Variants in COBLL1 observed in about 807,000 individuals in gnomAD.
COBLL1 encodes the protein cordon-bleu WH2 repeat protein like 1.
In COBLL1, 50 loss-of-function variants were observed where a neutral mutation model predicts 94.8. That is an observed-to-expected ratio of 0.53 (90% CI 0.42 to 0.67). The LOEUF (loss-of-function observed/expected upper bound fraction) is 0.67, where lower values mean the gene tolerates loss of function less well. Ranked by LOEUF, COBLL1 falls within the 30% of genes least tolerant of loss-of-function variation. The probability of loss-of-function intolerance (pLI) is 0.00; values close to 1 mark genes in which losing one functional copy is unlikely to be tolerated. For synonymous variants in COBLL1, 448 were observed against 473.8 expected (o/e 0.95, Z 0.71); for missense variants, 1,362 against 1,348.7 (o/e 1.01, Z -0.15).
intron 2 of COBLL1, among the ~76,000 whole-genome samples, chr2:164,833,537 G>C (rs1324517708): frequency 6.8e-6 from 1 of 147,902 alleles, no homozygotes; most frequent in East Asian, 2.0e-4. Flanking sequence ...TGCAAGCTCC[G>C]CCTCCCGGGT....
chr2:164,805,354 T>TGTATAA (rs1684085876), intron 2 of COBLL1, among the ~76,000 whole-genome samples: 3 of 100,964 alleles, frequency 3.0e-5, no homozygotes, highest in African/African-American at 7.3e-5. Context: ...TATATATATA[T>TGTATAA]ATATATATAA....
chr2:164,773,734 A>G, intron 2 of COBLL1: 1 of 1,296,954 alleles, frequency 7.7e-7, no homozygotes, highest in Non-Finnish European at 1.0e-6. Context: ...TCCATAAAAC[A>G]GTATTGTTCC....
At chr2:164,692,848 G>A (rs1683689312) in intron 12 of COBLL1, 1 of 152,992 alleles carries the variant, frequency 6.5e-6, no homozygotes, top group Non-Finnish European at 1.5e-5. Context: ...CATATTTGTT[G>A]AATCTAATAT....
In COBLL1 at chr2:164,694,779, C is replaced by T. The variant is rs1474492831; in HGVS notation, c.2613G>A (p.Met871Ile). 1 of 1,613,118 alleles carries T rather than the reference C, an allele frequency of 6.2e-7. No individual in the cohort carries two copies. The highest frequency in any genetic ancestry group is 2.2e-5 in the East Asian group (1 of 44,880). Residue 871 changes from methionine to isoleucine, a missense_variant, in exon 12 of 14, where the codon ATG (methionine) becomes ATA (isoleucine). Transcript: ENST00000652658. ...CATAGTGACCCGATACTCTCTTCTG[C>T]ATCTGCAAAAAAAAAGAGCTGGGTT... is the stretch of plus-strand genomic sequence containing the variant. ...QAKPSSFFLQ[M>I]QKRVSGHYVT...
intron 2 of COBLL1, among the ~76,000 whole-genome samples, chr2:164,791,513 T>C (rs1683188719): frequency 6.6e-6 from 1 of 152,122 alleles, no homozygotes; most frequent in African/African-American, 2.4e-5. Flanking sequence ...TACATACCTA[T>C]ATACACATAC....
chr2:164,735,166 C>T (rs758459297), intron 3 of COBLL1, among the ~76,000 whole-genome samples: 3 of 152,110 alleles, frequency 2.0e-5, no homozygotes, highest in Non-Finnish European at 2.9e-5. Flanking sequence ...CTGGCTAGGT[C>T]GCTGTTGTCG....
In COBLL1 at chr2:164,728,491, C is replaced by T. The variant is rs1685827104; in HGVS notation, c.433-294G>A. On this transcript the variant is annotated intron_variant, in intron 4 of 13. Transcript: ENST00000652658. ...ATATCTAGTACTACTCATGTTTTCA[C>T]TTTGTTCCTTAAAATATTTACTTTA... 2.0e-5 allele frequency among the ~76,000 whole-genome samples: 3 copies of T among 151,990 alleles called. No individual in the cohort carries two copies. In the South Asian group the frequency reaches 6.2e-4, roughly 31 times the overall value.
At chr2:164,799,076 A>G (rs1318335298) in intron 2 of COBLL1, among the ~76,000 whole-genome samples, 1 of 151,504 alleles carries the variant, frequency 6.6e-6, no homozygotes, top group Non-Finnish European at 1.5e-5. Context: ...CTACCTTAAC[A>G]GAATGCAGCT....
chr2:164,758,776 A>G (rs1687537710), intron 2 of COBLL1, among the ~76,000 whole-genome samples: 1 of 152,138 alleles, frequency 6.6e-6, no homozygotes, highest in African/African-American at 2.4e-5. Flanking sequence ...TTACAAATAT[A>G]TATTTCTACT....
rs556425836 is a variant in COBLL1 at position 164,689,302 on chromosome 2, G to T, written c.3300+2919C>A. Among the ~76,000 whole-genome samples, 3 of 152,218 alleles carry T rather than the reference G, an allele frequency of 2.0e-5. No homozygotes were observed. In the South Asian group the frequency reaches 6.2e-4, roughly 32 times the overall value. On this transcript the variant is annotated intron_variant, in intron 13 of 13. Coordinates refer to ENST00000652658, the MANE Select transcript of COBLL1 (RefSeq NM_001365672.2). The stretch of plus-strand genomic sequence containing the variant: ...GAGCCATAAGACAAGTGGGTACCTG[G>T]AGTTAAATTGAACATTTGGGTGCCA...
chr2:164,753,103 T>C (rs1173193702), intron 2 of COBLL1, among the ~76,000 whole-genome samples: 1 of 152,124 alleles, frequency 6.6e-6, no homozygotes, highest in African/African-American at 2.4e-5. Context: ...ACACTTCTGC[T>C]CCTGGTCAGG....
intron 2 of COBLL1, among the ~76,000 whole-genome samples, chr2:164,754,871 A>G (rs900235682): frequency 6.6e-6 from 1 of 152,194 alleles, no homozygotes; most frequent in African/African-American, 2.4e-5. Flanking sequence ...GAGCAAATCC[A>G]AAGACAAGAC....
rs1312482379 is a variant in COBLL1 at position 164,694,463 on chromosome 2, G to A, written c.2929C>T (p.Pro977Ser). The change falls in exon 12 of 14, where the codon CCA becomes TCA. Residue 977 changes from proline (P) to serine (S), a missense_variant. Transcript: ENST00000652658. ...GGACCAGAACTTGAGTATGGTCGTG[G>A]GGCACCAAAAGTTTTCAAAGTCTTC... Reference protein sequence around the residue: ...NLKTLKTFGAPRPYSSSGPSP... With the variant: ...NLKTLKTFGASRPYSSSGPSP... 6.2e-7 allele frequency: 1 copy of A among 1,613,766 alleles called. No homozygotes were observed. The highest frequency in any genetic ancestry group is 1.1e-5 in the South Asian group (1 of 91,068).
chr2:164,691,089 C>T (rs1275947299), intron 13 of COBLL1, among the ~76,000 whole-genome samples: 1 of 152,090 alleles, frequency 6.6e-6, no homozygotes, highest in Non-Finnish European at 1.5e-5. Flanking sequence ...CTGTTTCCTC[C>T]ACTCCTGACA....
rs556373857 is a variant in COBLL1 at position 164,810,611 on chromosome 2, G to T, written c.41+30545C>A. On this transcript the variant is annotated intron_variant, in intron 2 of 13. Transcript: ENST00000652658. ...TGAAGTTAATTGTTATACATGTCAT[G>T]AACATATTTTAGTAATTTATAATTC... Among the ~76,000 whole-genome samples, 3 of 151,602 alleles carry T rather than the reference G, an allele frequency of 2.0e-5. No homozygotes were observed. The East Asian group carries it at 5.8e-4, about 29-fold the overall frequency.
intron 2 of COBLL1, among the ~76,000 whole-genome samples, chr2:164,749,571 T>A (rs1028532896): frequency 3.3e-5 from 5 of 152,340 alleles, no homozygotes; most frequent in African/African-American, 1.2e-4. Context: ...TCAGTTTCTC[T>A]GTCTGGGTTT....
chr2:164,707,805 A>T (rs541554072), intron 7 of COBLL1, among the ~76,000 whole-genome samples: 1 of 152,196 alleles, frequency 6.6e-6, no homozygotes, highest in East Asian at 1.9e-4. Flanking sequence ...CTTACAAGAC[A>T]ACGTAGGTAC....
intron 11 of COBLL1, 43 bp from the exon 12 acceptor site, chr2:164,695,879 G>A: frequency 6.8e-7 from 1 of 1,469,178 alleles, no homozygotes; most frequent in Non-Finnish European, 9.1e-7. Context: ...GAAAGAAGTA[G>A]AAAACCTCAA....
At chr2:164,751,756 A>G (rs993821538) in intron 2 of COBLL1, among the ~76,000 whole-genome samples, 6 of 152,152 alleles carry the variant, frequency 3.9e-5, no homozygotes, top group African/African-American at 1.2e-4. Flanking sequence ...AGACATGCAC[A>G]TGGATAAAAG....
Sources: allele counts gnomAD v4.1 joint callset (sites outside exome capture counted in the v4.1 genomes callset), GRCh38; gene constraint gnomAD v4.1.1; transcripts MANE v1.5; gene names NCBI Gene and HGNC (gene_info 2026-07-23, HGNC 2026-07-21).